USP40: variants seen among roughly 807,000 people sequenced by gnomAD.
USP40 encodes ubiquitin specific peptidase 40.
USP40 carries 143 observed loss-of-function variants against 166.2 expected under a neutral mutation model. That is an observed-to-expected ratio of 0.86 (90% CI 0.75 to 0.99). The LOEUF (loss-of-function observed/expected upper bound fraction) is 0.99. USP40 is among the 50% of genes least tolerant of loss of function. The pLI is 0.00. For synonymous variants in USP40, 498 were observed against 524.0 expected (o/e 0.95, Z 0.68); for missense variants, 1,444 against 1,479.7 (o/e 0.98, Z 0.40).
chr2:233,559,887 G>C lies in USP40; in HGVS notation c.305C>G (p.Ala102Gly). The stretch of plus-strand genomic sequence containing the variant: ...TTCCTGGTCTAAGAGCAGAAGCTGA[G>C]CAAACAAGCGCTGTAACTGTAAAGG... ...IIPLQLQRLF[A>G]QLLLLDQEAA... Residue 102 changes from alanine to glycine, a missense_variant, in exon 4 of 32, where the codon GCT (alanine) becomes GGT (glycine). Transcript: ENST00000678225. 1 of 1,609,378 alleles carries C rather than the reference G, an allele frequency of 6.2e-7. No individual in the cohort carries two copies. Among genetic ancestry groups the C allele is most frequent in the Non-Finnish European group, 8.5e-7 (1 of 1,177,878 alleles).
At chr2:233,536,652 A>G (rs1355131729) in intron 10 of USP40, among the ~76,000 whole-genome samples, 5 of 152,144 alleles carry the variant, frequency 3.3e-5, no homozygotes, top group Non-Finnish European at 4.4e-5. Flanking sequence ...TCCTGTCTCA[A>G]ACAAAACAAA....
chr2:233,493,551 C>G lies in USP40; in HGVS notation c.2791G>C (p.Gly931Arg). Residue 931 changes from glycine (G) to arginine (R), a missense_variant and splice_region_variant, in exon 25 of 32, where the codon GGT (glycine) becomes CGT (arginine). Coordinates refer to ENST00000678225, the MANE Select transcript of USP40 (RefSeq NM_001365479.2). The surrounding 1 kb of genome is among the most constrained non-coding windows in gnomAD (Gnocchi z 4.7). ...CACCAGATGGGCACCTTCAGGAAACCCTGAAGAATGGAGCATGTTTAACTG... is the reference window on the plus strand; with the variant it reads ...CACCAGATGGGCACCTTCAGGAAACGCTGAAGAATGGAGCATGTTTAACTG... ...LLIEGQLPPL[G>R]FLKVPIWWYQ... 1 of 1,610,568 alleles carries G rather than the reference C, an allele frequency of 6.2e-7. No homozygotes were observed. Among genetic ancestry groups the G allele is most frequent in the African/African-American group, 1.3e-5 (1 of 74,912 alleles).
At position 233,554,523 on chromosome 2, in the gene USP40, C is replaced by T. The variant is rs200363827; in HGVS notation, c.550G>A (p.Asp184Asn). ...ACTGCTACTGTTAGATCTAAGAAGT[C>T]TTCCTGAAATAGACATGAATATAAT... Reference protein sequence around the residue: ...ECKNVSERQEDFLDLTVAVKN... With the variant: ...ECKNVSERQENFLDLTVAVKN... Residue 184 changes from aspartate to asparagine, a missense_variant, in exon 6 of 32, where the codon GAC (aspartate) becomes AAC (asparagine). Coordinates refer to ENST00000678225, the MANE Select transcript of USP40 (RefSeq NM_001365479.2). The T allele has an allele frequency of 1.2e-6, 2 of 1,601,774 alleles. No homozygotes were observed. Among genetic ancestry groups the T allele is most frequent in the East Asian group, 2.3e-5 (1 of 44,324 alleles).
intron 30 of USP40, 69 bp from the exon 31 acceptor site, chr2:233,481,366 G>A: frequency 7.1e-7 from 1 of 1,401,530 alleles, no homozygotes; most frequent in East Asian, 2.5e-5. Flanking sequence ...AAAGAGGCAT[G>A]TCTAAAAAAC....
chr2:233,485,371 A>C (rs1269112524), intron 30 of USP40, among the ~76,000 whole-genome samples, 160 bp downstream of exon 30: 1 of 152,180 alleles, frequency 6.6e-6, no homozygotes, highest in Non-Finnish European at 1.5e-5. Flanking sequence ...GTGGCCTTGT[A>C]AAGTCAGTTG....
chr2:233,528,492 G>A (rs961238442), intron 12 of USP40, among the ~76,000 whole-genome samples: 6 of 152,174 alleles, frequency 3.9e-5, no homozygotes, highest in African/African-American at 9.7e-5. Flanking sequence ...AATGAACATG[G>A]TCAGAGAGCA....
At chr2:233,498,740 T>G in intron 22 of USP40, 128 bp from the exon 23 acceptor site, 1 of 705,522 alleles carries the variant, frequency 1.4e-6, no homozygotes. Flanking sequence ...GCTATGGGCC[T>G]CCATGTTAAT....
At position 233,524,545 on chromosome 2, in the gene USP40, A is replaced by C; in HGVS notation, c.1828T>G (p.Cys610Gly). 6.2e-7 allele frequency: 1 copy of C among 1,605,670 alleles called. No individual in the cohort carries two copies. Among genetic ancestry groups the C allele is most frequent in the South Asian group, 1.1e-5 (1 of 88,976 alleles). Reference protein sequence around the residue: ...QSLGGDELTLCETEIADGEDI... With the variant: ...QSLGGDELTLGETEIADGEDI... ...TCCCCATCAGCAATTTCAGTTTCAC[A>C]CAGTGTCAGTTCATCCCCTAGAAAG... The change falls in exon 15 of 32, where the codon TGT becomes GGT. Residue 610 changes from cysteine (C) to glycine (G), a missense_variant. Coordinates refer to ENST00000678225, the MANE Select transcript of USP40 (RefSeq NM_001365479.2).
In USP40 at chr2:233,477,175, G is replaced by T; in HGVS notation, c.*217C>A. On this transcript the variant is annotated 3_prime_UTR_variant, in exon 32 of 32. Transcript: ENST00000678225. ...AGCACCTACTGGCAGCTGGGTGGGC[G>T]ACATCCAGAGCTGCACCAGCCCCCG... The T allele has an allele frequency of 1.8e-6, 1 of 556,178 alleles. No homozygotes were observed. Among genetic ancestry groups the T allele is most frequent in the Non-Finnish European group, 3.3e-6 (1 of 306,996 alleles). The allele number at this position is 556,178 out of a possible 1,614,324, so 34.5% of individuals were successfully genotyped here. A position where few individuals can be genotyped will look rare whatever the true frequency, so the allele number is the denominator to read the frequency against.
chr2:233,558,773 T>A (rs1289841662), intron 4 of USP40, among the ~76,000 whole-genome samples: 1 of 152,204 alleles, frequency 6.6e-6, no homozygotes, highest in Admixed American at 6.5e-5. Context: ...GTAAATTACA[T>A]CTCAATACAG....
rs116707139 is a variant in USP40 at position 233,543,831 on chromosome 2, T to C, written c.967-1468A>G. ...GAACCTGAATGGACTAAGACACCGA[T>C]CTTGCTGACACTGAACTTCCATTTT... On this transcript the variant is annotated intron_variant, in intron 8 of 31. Transcript: ENST00000678225. 4.7e-3 allele frequency among the ~76,000 whole-genome samples: 721 copies of C among 152,326 alleles called. 8 individuals are homozygous for C. The highest frequency in any genetic ancestry group is 0.016 in the African/African-American group (673 of 41,558).
Position 233,486,741 on chromosome 2 carries a change from CG to C in USP40, c.3198-765del, listed in dbSNP as rs2064973120. Reference sequence around the variant, plus strand: ...AAATGACTGGAAGAAAGAGAGTTCACGGGAAGATGTGGGCCCATGGAATCAG... The same window carrying C: ...AAATGACTGGAAGAAAGAGAGTTCACGGAAGATGTGGGCCCATGGAATCAG... On this transcript the variant is annotated intron_variant, in intron 28 of 31. Transcript: ENST00000678225. The surrounding 1 kb of genome is among the most constrained non-coding windows in gnomAD (Gnocchi z 4.0). Among the ~76,000 whole-genome samples the C allele has an allele frequency of 6.6e-6, 1 of 152,124 alleles. No homozygotes were observed. Among genetic ancestry groups the C allele is most frequent in the Non-Finnish European group, 1.5e-5 (1 of 68,016 alleles).
rs773677560 is a variant in USP40, at chr2:233,527,413, T to C, written c.1719A>G (p.Ile573Met). The change falls in exon 13 of 32, where the codon ATA (isoleucine) becomes ATG (methionine). Residue 573 changes from isoleucine (I) to methionine (M), a missense_variant. Transcript: ENST00000678225. ...GGAAGTAAGGCGATATTACCTGAAATATTGACTGCCGGAGATCTCCTAAAG... is the reference window on the plus strand; with the variant it reads ...GGAAGTAAGGCGATATTACCTGAAACATTGACTGCCGGAGATCTCCTAAAG... ...RKTLGDLRQS[I>M]FQLLEFWEGD... 6 of 1,611,916 alleles carry C rather than the reference T, an allele frequency of 3.7e-6. No individual in the cohort carries two copies. In the Admixed American group the frequency reaches 5.0e-5, roughly 13 times the overall value.
Position 233,542,258 on chromosome 2 carries a change from C to T in USP40, c.1062+10G>A, listed in dbSNP as rs1006831782. 1.4e-6 allele frequency: 2 copies of T among 1,463,400 alleles called. No homozygotes were observed. Among genetic ancestry groups the T allele is most frequent in the Non-Finnish European group, 1.9e-6 (2 of 1,077,454 alleles). The allele number at this position is 1,463,400 out of a possible 1,614,324, so 90.7% of individuals were successfully genotyped here. A position where few individuals can be genotyped will look rare whatever the true frequency, so the allele number is the denominator to read the frequency against. ...CCATACATACAAATACATACACACA[C>T]ATACTATACCTCTAATAAGATTGCT... is the stretch of plus-strand genomic sequence containing the variant. On this transcript the variant is annotated intron_variant, in intron 9 of 31. Coordinates refer to ENST00000678225, the MANE Select transcript of USP40 (RefSeq NM_001365479.2).
At chr2:233,525,119 A>C (rs1411561557) in intron 14 of USP40, among the ~76,000 whole-genome samples, 3 of 152,234 alleles carry the variant, frequency 2.0e-5, no homozygotes, top group African/African-American at 7.2e-5. Context: ...TGAAGCTGAG[A>C]ACTGGGCAGA....
intron 10 of USP40, among the ~76,000 whole-genome samples, chr2:233,534,830 G>A (rs1259001483): frequency 6.6e-6 from 1 of 152,064 alleles, no homozygotes; most frequent in African/African-American, 2.4e-5. Context: ...TTTGATAGTT[G>A]AGAATTAACT....
intron 9 of USP40, 66 bp from the exon 10 acceptor site, chr2:233,540,835 A>C: frequency 8.7e-7 from 1 of 1,149,300 alleles, no homozygotes; most frequent in East Asian, 2.4e-5. Context: ...TAACAAATTC[A>C]AAGAGACCAA....
Position 233,519,494 on chromosome 2 carries a change from T to C in USP40, c.2383+120A>G, listed in dbSNP as rs938270540. Reference sequence around the variant, plus strand: ...ATGACAAAATGTTAATATTTGTCCATTTTGGGTGGTAGGTATGTGAGTTCT... The same window carrying C: ...ATGACAAAATGTTAATATTTGTCCACTTTGGGTGGTAGGTATGTGAGTTCT... On this transcript the variant is annotated intron_variant, in intron 18 of 31. Transcript: ENST00000678225. 8 of 603,182 alleles carry C rather than the reference T, an allele frequency of 1.3e-5. No individual in the cohort carries two copies. The Admixed American group carries it at 1.8e-4, about 13-fold the overall frequency. 37.4% of individuals were successfully genotyped at this position (603,182 alleles called of 1,614,324 possible).
intron 23 of USP40, among the ~76,000 whole-genome samples, chr2:233,497,469 T>A (rs926663249): frequency 6.6e-6 from 1 of 151,994 alleles, no homozygotes; most frequent in Non-Finnish European, 1.5e-5. Context: ...GAGCCAAGCA[T>A]GGGAATGGTC....
Sources: allele counts gnomAD v4.1 joint callset (sites outside exome capture counted in the v4.1 genomes callset), GRCh38; gene constraint gnomAD v4.1.1; non-coding constraint Gnocchi (gnomAD v3.1); transcripts MANE v1.5; gene names NCBI Gene and HGNC (gene_info 2026-07-23, HGNC 2026-07-21).